RHBDD1: variants seen among roughly 807,000 people sequenced by gnomAD.
RHBDD1 encodes rhomboid-related protein 4.
A neutral mutation model predicts 36.3 loss-of-function variants in RHBDD1; 38 were observed. The observed-to-expected ratio is 1.05, with a 90% CI of 0.81 to 1.37. RHBDD1 has a LOEUF of 1.37. Ranked by LOEUF, RHBDD1 falls within the 40% of genes most tolerant of loss-of-function variation. The pLI is 0.00. For missense variants in RHBDD1, 393 were observed against 377.6 expected (o/e 1.04, Z -0.34); for synonymous variants, 151 against 136.5 (o/e 1.11, Z -0.74).
rs201827685 is a variant in RHBDD1, at chr2:226,971,621, G to A, written c.857-23810G>A. Among the ~76,000 whole-genome samples, 4 of 152,164 alleles carry A rather than the reference G, an allele frequency of 2.6e-5. No homozygotes were observed. The East Asian group carries it at 7.7e-4, about 29-fold the overall frequency. On this transcript the variant is annotated intron_variant, in intron 8 of 8. Transcript: ENST00000392062. Reference sequence around the variant, plus strand: ...TTTAGTTGCTATAGTTTATTTTTTTGCCTTGCAAATATGGGATAAATGTGG... The same window carrying A: ...TTTAGTTGCTATAGTTTATTTTTTTACCTTGCAAATATGGGATAAATGTGG...
rs191521208 is a variant in RHBDD1 at position 226,913,784 on chromosome 2, G to A, written c.713-424G>A. Reference sequence around the variant, plus strand: ...TGGGATCTGTATGAAACATTGGTCTGCCCCTTATTGTACAGAGCAACAAGA... The same window carrying A: ...TGGGATCTGTATGAAACATTGGTCTACCCCTTATTGTACAGAGCAACAAGA... On this transcript the variant is annotated intron_variant, in intron 7 of 8. Transcript: ENST00000392062. 2.0e-3 allele frequency among the ~76,000 whole-genome samples: 307 copies of A among 152,186 alleles called. 4 individuals are homozygous for A. Among genetic ancestry groups the A allele is most frequent in the African/African-American group, 7.1e-3 (295 of 41,530 alleles).
chr2:226,858,751 T>C (rs141227060), intron 3 of RHBDD1, among the ~76,000 whole-genome samples: 90 of 152,326 alleles, frequency 5.9e-4, no homozygotes, highest in African/African-American at 2.1e-3. Flanking sequence ...GTCTTTCTTA[T>C]TACATACCTG....
chr2:226,878,440 T>C (rs1196473324), intron 5 of RHBDD1, among the ~76,000 whole-genome samples: 2 of 152,236 alleles, frequency 1.3e-5, no homozygotes, highest in African/African-American at 2.4e-5. Flanking sequence ...GGTGGATTTG[T>C]GACTTGCTGT....
intron 5 of RHBDD1, among the ~76,000 whole-genome samples, chr2:226,888,625 T>C (rs1384876038): frequency 6.6e-6 from 1 of 152,160 alleles, no homozygotes; most frequent in Non-Finnish European, 1.5e-5. Context: ...TTTTTTCTTT[T>C]TAAGGTGTGG....
chr2:226,819,209 G>A, the RHBDD1 span, among the ~76,000 whole-genome samples: 1 of 152,176 alleles, frequency 6.6e-6, no homozygotes, highest in Non-Finnish European at 1.5e-5. Context: ...TTATTCTGAT[G>A]CATTCCCCTG....
chr2:226,933,332 C>T (rs1188700543), intron 8 of RHBDD1, among the ~76,000 whole-genome samples: 1 of 152,064 alleles, frequency 6.6e-6, no homozygotes, highest in Non-Finnish European at 1.5e-5. Flanking sequence ...GGAGTGGGTG[C>T]TGTTCTTTTC....
At chr2:226,961,140 A>G (rs1575262980) in intron 8 of RHBDD1, among the ~76,000 whole-genome samples, 1 of 152,292 alleles carries the variant, frequency 6.6e-6, no homozygotes, top group East Asian at 1.9e-4. Context: ...CACAACCTCA[A>G]CATGGCATGG....
the RHBDD1 span, among the ~76,000 whole-genome samples, chr2:226,809,967 T>A: frequency 6.6e-6 from 1 of 152,194 alleles, no homozygotes; most frequent in Admixed American, 6.5e-5. Context: ...AAAATTACCA[T>A]GTCATTGGTG....
intron 1 of RHBDD1, among the ~76,000 whole-genome samples, chr2:226,837,308 A>T (rs934397761): frequency 6.6e-6 from 1 of 152,224 alleles, no homozygotes; most frequent in African/African-American, 2.4e-5. Flanking sequence ...TGCTGGAAGG[A>T]TTCTTCAGCG....
rs541804766 is a variant in RHBDD1 at position 226,905,998 on chromosome 2, G to A, written c.567-795G>A. Among the ~76,000 whole-genome samples, 5 of 152,226 alleles carry A rather than the reference G, an allele frequency of 3.3e-5. No individual in the cohort carries two copies. The East Asian group carries it at 5.8e-4, about 18-fold the overall frequency. ...CCCCCCCTTTGTGGTAACAGCAGAG[G>A]TTTTTGAGAATCGCCAGTAATTTCT... On this transcript the variant is annotated intron_variant, in intron 5 of 8. Transcript: ENST00000392062.
At chr2:226,870,701 A>G (rs1024870752) in intron 5 of RHBDD1, among the ~76,000 whole-genome samples, 2 of 152,214 alleles carry the variant, frequency 1.3e-5, no homozygotes, top group African/African-American at 4.8e-5. Context: ...CAGTCAGGTA[A>G]CACACATTGT....
intron 8 of RHBDD1, among the ~76,000 whole-genome samples, chr2:226,968,399 C>T (rs186575682): frequency 1.4e-3 from 210 of 152,318 alleles, no homozygotes; most frequent in Admixed American, 5.0e-3. Flanking sequence ...CTGTAGTCCA[C>T]AAGCAGAATT....
At chr2:226,863,794 A>G (rs1174677802) in intron 3 of RHBDD1, among the ~76,000 whole-genome samples, 1 of 152,214 alleles carries the variant, frequency 6.6e-6, no homozygotes, top group Admixed American at 6.5e-5. Context: ...AGCATGTCAC[A>G]GTGCCAGCCC....
intron 8 of RHBDD1, among the ~76,000 whole-genome samples, chr2:226,972,590 G>A (rs976567702): frequency 1.3e-5 from 2 of 152,180 alleles, no homozygotes. Context: ...CTTCATGGAC[G>A]GAGCTTCTGG....
At chr2:226,917,430 T>G (rs554358024) in intron 8 of RHBDD1, among the ~76,000 whole-genome samples, 1 of 152,146 alleles carries the variant, frequency 6.6e-6, no homozygotes, top group Non-Finnish European at 1.5e-5. Context: ...AAAAAAAGAT[T>G]TTTACACATC....
chr2:226,944,107 A>G (rs1256642719), intron 8 of RHBDD1, among the ~76,000 whole-genome samples: 1 of 152,150 alleles, frequency 6.6e-6, no homozygotes, highest in Non-Finnish European at 1.5e-5. Context: ...TGCCTCTTAA[A>G]TCAGTTGTCA....
intron 5 of RHBDD1, among the ~76,000 whole-genome samples, chr2:226,902,284 G>A (rs1036652339): frequency 2.0e-5 from 3 of 152,132 alleles, no homozygotes; most frequent in Non-Finnish European, 2.9e-5. Flanking sequence ...ATGCTGTTAC[G>A]TTTGAAGGTA....
chr2:226,872,161 T>G (rs909769316), intron 5 of RHBDD1, among the ~76,000 whole-genome samples: 4 of 152,200 alleles, frequency 2.6e-5, no homozygotes, highest in Admixed American at 2.6e-4. Context: ...CTTAGTTTTA[T>G]GGACTTCAAG....
intron 3 of RHBDD1, among the ~76,000 whole-genome samples, chr2:226,854,601 G>GGA (rs1553544046): frequency 1.2e-5 from 1 of 83,680 alleles, no homozygotes. Context: ...ACTCTGTTTC[G>GGA]AAAAAAAAAA....
Sources: gnomAD v4.1 joint callset for allele counts (sites outside exome capture counted in the v4.1 genomes callset) on GRCh38, gnomAD v4.1.1 for gene constraint, MANE v1.5 for transcripts, NCBI Gene and HGNC (gene_info 2026-07-23, HGNC 2026-07-21) for gene names.